Variants in ERC2 observed in about 807,000 individuals in gnomAD.
ERC2 encodes the protein ELKS/RAB6-interacting/CAST family member 2.
Under a neutral mutation model 114.8 loss-of-function variants are expected in ERC2, and 42 were observed. The ratio of observed to expected loss-of-function variants is 0.37; its 90% CI spans 0.29 to 0.47. ERC2 has a LOEUF of 0.47. Ranked by LOEUF, ERC2 falls within the 20% of genes least tolerant of loss-of-function variation. The pLI is 0.99. For missense variants in ERC2, 939 were observed against 1,150.7 expected (o/e 0.82, Z 2.66); for synonymous variants, 454 against 425.5 (o/e 1.07, Z -0.82).
chr3:56,250,429 G>A (rs777106726), intron 3 of ERC2, among the ~76,000 whole-genome samples: 3 of 152,180 alleles, frequency 2.0e-5, no homozygotes, highest in Non-Finnish European at 4.4e-5. Flanking sequence ...GCTATTTGGG[G>A]TTCAGGAAGA....
At chr3:56,404,693 C>A (rs2060644862) in intron 2 of ERC2, among the ~76,000 whole-genome samples, 2 of 150,410 alleles carry the variant, frequency 1.3e-5, no homozygotes, top group Non-Finnish European at 2.9e-5. Flanking sequence ...ACATATACAC[C>A]TACTATGTAC....
At chr3:55,696,139 T>A (rs563737028) in intron 16 of ERC2, among the ~76,000 whole-genome samples, 2 of 152,284 alleles carry the variant, frequency 1.3e-5, no homozygotes, top group Admixed American at 1.3e-4. Context: ...GAAAGAAACA[T>A]GGAAGAAATG....
chr3:55,770,595 T>C (rs1046254130), intron 14 of ERC2, among the ~76,000 whole-genome samples: 2 of 152,190 alleles, frequency 1.3e-5, no homozygotes, highest in African/African-American at 4.8e-5. Flanking sequence ...TTATCATCAC[T>C]GTTAAACTGT....
chr3:56,201,795 A>G (rs1328381031), intron 3 of ERC2, among the ~76,000 whole-genome samples: 1 of 152,232 alleles, frequency 6.6e-6, no homozygotes, highest in African/African-American at 2.4e-5. Flanking sequence ...ATATGCTCTT[A>G]TTCATAATAA....
chr3:55,784,214 A>C (rs4955882), intron 14 of ERC2, among the ~76,000 whole-genome samples: 50,283 of 151,898 alleles, frequency 0.33, 10,245 homozygotes, highest in African/African-American at 0.57. Context: ...CTCAATTTGT[A>C]TTCTCTATCT....
intron 17 of ERC2, among the ~76,000 whole-genome samples, chr3:55,619,073 T>A (rs2059231464): frequency 6.6e-6 from 1 of 152,228 alleles, no homozygotes; most frequent in African/African-American, 2.4e-5. Context: ...TGTCTCTCTT[T>A]CCTGGAATCA....
intron 2 of ERC2, among the ~76,000 whole-genome samples, chr3:56,386,050 G>A (rs1042362463): frequency 6.6e-6 from 1 of 152,094 alleles, no homozygotes; most frequent in Non-Finnish European, 1.5e-5. Context: ...AAGACAGAAT[G>A]GAAAGGGTTG....
At chr3:55,650,485 C>T (rs2060571666) in intron 17 of ERC2, among the ~76,000 whole-genome samples, 1 of 152,232 alleles carries the variant, frequency 6.6e-6, no homozygotes, top group Non-Finnish European at 1.5e-5. Flanking sequence ...ATCCTCCCCT[C>T]TTGGTCTCTT....
intron 17 of ERC2, chr3:55,658,501 T>C (rs767918): frequency 1.3e-5 from 2 of 152,268 alleles, no homozygotes; most frequent in South Asian, 4.1e-4. Context: ...CATATTGACA[T>C]AGTGCTGGGT....
intron 7 of ERC2, among the ~76,000 whole-genome samples, chr3:56,061,068 T>C (rs1576758632): frequency 6.6e-6 from 1 of 152,338 alleles, no homozygotes; most frequent in Middle Eastern, 3.4e-3. Flanking sequence ...TTCAAGTTGC[T>C]TGTTGCTACT....
chr3:55,870,820 A>C (rs1322304810), intron 14 of ERC2, among the ~76,000 whole-genome samples: 4 of 152,094 alleles, frequency 2.6e-5, no homozygotes, highest in African/African-American at 9.7e-5. Context: ...CTCAAAGCCA[A>C]CTCTCAACAG....
At chr3:55,989,536 T>C (rs1393969372) in intron 11 of ERC2, among the ~76,000 whole-genome samples, 1 of 152,222 alleles carries the variant, frequency 6.6e-6, no homozygotes. Flanking sequence ...AGGAAGGCTG[T>C]ATGCTGGCTG....
chr3:56,435,060 G>A lies in ERC2; in HGVS notation c.-53C>T. On this transcript the variant is annotated 5_prime_UTR_variant, in exon 2 of 18. Coordinates refer to ENST00000288221, the MANE Select transcript of ERC2 (RefSeq NM_015576.3). ...AGAGAAGAAATGCTATATTAAGTTG[G>A]GGTTTGAGCTAATATTTCCACGATT... The A allele has an allele frequency of 7.2e-7, 1 of 1,390,860 alleles. No homozygotes were observed. The highest frequency in any genetic ancestry group is 9.7e-7 in the Non-Finnish European group (1 of 1,032,216). The allele number at this position is 1,390,860 out of a possible 1,614,324, so 86.2% of individuals were successfully genotyped here.
At chr3:56,155,659 T>A (rs1484618538) in intron 4 of ERC2, among the ~76,000 whole-genome samples, 1 of 152,046 alleles carries the variant, frequency 6.6e-6, no homozygotes, top group Non-Finnish European at 1.5e-5. Flanking sequence ...CATAGCAGAG[T>A]CAAGAAATCT....
At chr3:56,321,944 C>T (rs916904555) in intron 2 of ERC2, among the ~76,000 whole-genome samples, 3 of 152,192 alleles carry the variant, frequency 2.0e-5, no homozygotes, top group Admixed American at 1.3e-4. Context: ...TTAAATGCTG[C>T]TATAATCTGT....
At chr3:55,642,768 T>A (rs1328666772) in intron 17 of ERC2, among the ~76,000 whole-genome samples, 3 of 152,000 alleles carry the variant, frequency 2.0e-5, no homozygotes, top group Non-Finnish European at 4.4e-5. Flanking sequence ...AATGGAGGAG[T>A]TTGCTTGTTA....
chr3:56,093,788 A>G (rs910225673), intron 6 of ERC2, among the ~76,000 whole-genome samples: 1 of 152,210 alleles, frequency 6.6e-6, no homozygotes, highest in Admixed American at 6.6e-5. Context: ...AAACAATACT[A>G]GGTGTCTACA....
intron 16 of ERC2, among the ~76,000 whole-genome samples, chr3:55,690,351 G>A (rs1445836868): frequency 6.6e-6 from 1 of 152,178 alleles, no homozygotes; most frequent in African/African-American, 2.4e-5. Flanking sequence ...AGGCAATGGT[G>A]TTTAGCAATA....
intron 17 of ERC2, among the ~76,000 whole-genome samples, chr3:55,681,625 T>C (rs530174697): frequency 2.6e-5 from 4 of 152,306 alleles, no homozygotes; most frequent in African/African-American, 7.2e-5. Flanking sequence ...AAAGGAGTCA[T>C]AAAGAAAGAT....
Sources: gnomAD v4.1 joint callset for allele counts (sites outside exome capture counted in the v4.1 genomes callset) on GRCh38, gnomAD v4.1.1 for gene constraint, MANE v1.5 for transcripts, NCBI Gene and HGNC (gene_info 2026-07-23, HGNC 2026-07-21) for gene names.